Variants in ATAD2B observed in about 807,000 individuals in gnomAD.
ATAD2B encodes ATPase family AAA domain-containing protein 2B.
A neutral mutation model predicts 167.6 loss-of-function variants in ATAD2B; 40 were observed. The observed-to-expected ratio is 0.24, with a 90% CI of 0.19 to 0.31. ATAD2B has a LOEUF of 0.31. ATAD2B is among the 10% of genes least tolerant of loss of function. ATAD2B has a pLI of 1.00. For missense variants in ATAD2B, 1,242 were observed against 1,757.2 expected (o/e 0.71, Z 5.24); for synonymous variants, 579 against 596.5 (o/e 0.97, Z 0.43).
chr2:23,733,837 C>G, the ATAD2B span, among the ~76,000 whole-genome samples: 5 of 152,304 alleles, frequency 3.3e-5, no homozygotes, highest in South Asian at 4.1e-4. Context: ...GCATCTCTCA[C>G]CTGGAATATA....
chr2:23,887,698 C>G (rs1393058873), intron 4 of ATAD2B, 134 bp downstream of exon 4: 3 of 718,422 alleles, frequency 4.2e-6, no homozygotes, highest in Non-Finnish European at 6.5e-6. Context: ...ACTGACCCAC[C>G]ACACCCAGCT....
chr2:23,850,499 G>A (rs1692397470), intron 13 of ATAD2B, among the ~76,000 whole-genome samples: 1 of 152,120 alleles, frequency 6.6e-6, no homozygotes, highest in Non-Finnish European at 1.5e-5. Flanking sequence ...AAAACAAACA[G>A]AAAAGACTTG....
intron 8 of ATAD2B, among the ~76,000 whole-genome samples, chr2:23,873,534 A>C (rs1374061522): frequency 6.6e-6 from 1 of 152,210 alleles, no homozygotes; most frequent in African/African-American, 2.4e-5. Flanking sequence ...TTAACGTAAG[A>C]GTTACCTCCT....
At chr2:23,729,148 A>G in the ATAD2B span, among the ~76,000 whole-genome samples, 1 of 152,210 alleles carries the variant, frequency 6.6e-6, no homozygotes, top group Non-Finnish European at 1.5e-5. Flanking sequence ...CTCCTCCAAC[A>G]TTGGGGATTA....
intron 24 of ATAD2B, among the ~76,000 whole-genome samples, chr2:23,758,757 T>C (rs886967486): frequency 3.9e-5 from 6 of 152,198 alleles, no homozygotes; most frequent in Non-Finnish European, 8.8e-5. Flanking sequence ...CAAAGTTATT[T>C]GAGAATATGT....
intron 4 of ATAD2B, 58 bp downstream of exon 4, chr2:23,887,773 CG>C: frequency 7.1e-7 from 1 of 1,409,242 alleles, no homozygotes; most frequent in Non-Finnish European, 9.4e-7. Flanking sequence ...TTTTTTAAAA[CG>C]TAACTGTCTT....
chr2:23,885,611 G>A (rs1698551775), intron 5 of ATAD2B, 116 bp downstream of exon 5: 1 of 556,904 alleles, frequency 1.8e-6, no homozygotes. Context: ...AGTTGGAAAT[G>A]AAGACGAAGG....
intron 24 of ATAD2B, among the ~76,000 whole-genome samples, chr2:23,760,543 G>T (rs541641880): frequency 1.8e-4 from 28 of 151,810 alleles, no homozygotes; most frequent in Middle Eastern, 3.4e-3. Flanking sequence ...GGCGCCTGTC[G>T]TCCCAGTAGC....
chr2:23,703,273 GA>G, the ATAD2B span: 1 of 1,549,040 alleles, frequency 6.5e-7, no homozygotes, highest in African/African-American at 1.4e-5. Flanking sequence ...GTGGCGGCAA[GA>G]TCTACGTGTT....
At chr2:23,721,419 A>T in the ATAD2B span, among the ~76,000 whole-genome samples, 1 of 152,036 alleles carries the variant, frequency 6.6e-6, no homozygotes, top group Non-Finnish European at 1.5e-5. Flanking sequence ...GTTAAGCCCC[A>T]AGGCCAGCCA....
rs1375708519 is a variant in ATAD2B at position 23,758,092 on chromosome 2, C to T, written c.3404G>A (p.Arg1135Gln). 1 of 1,564,718 alleles carries T rather than the reference C, an allele frequency of 6.4e-7. No individual in the cohort carries two copies. Among genetic ancestry groups the T allele is most frequent in the Non-Finnish European group, 8.6e-7 (1 of 1,166,224 alleles). ...CTGTGATCTCCGCCTTGATTTTCTCCGAACCCGAACTGTTTTACAAGGAAG... is the reference window on the plus strand; with the variant it reads ...CTGTGATCTCCGCCTTGATTTTCTCTGAACCCGAACTGTTTTACAAGGAAG... ...NSANKCAFRV[R>Q]RKSRRRSQWG... is the part of the protein sequence containing the mutation. The change falls in exon 25 of 28, where the codon CGG becomes CAG. Residue 1135 changes from arginine (R) to glutamine (Q), a missense_variant. Arg to Gln is a conservative substitution (Grantham distance 43). Around this residue, in one of 9 missense-constraint regions of ATAD2B, gnomAD observed 204 missense variants for 324.0 expected, o/e 0.63. Coordinates refer to ENST00000238789, the MANE Select transcript of ATAD2B (RefSeq NM_017552.4).
the ATAD2B span, chr2:23,684,343 A>T: frequency 8.3e-7 from 1 of 1,204,320 alleles, no homozygotes; most frequent in Admixed American, 3.9e-5. The surrounding 1 kb of genome is among the most constrained non-coding windows in gnomAD (Gnocchi z 4.4). Context: ...TTTTTAATTA[A>T]AAAAAAAAAA....
intron 7 of ATAD2B, among the ~76,000 whole-genome samples, chr2:23,880,071 A>AG (rs1553441800): frequency 1.9e-4 from 29 of 151,682 alleles, no homozygotes; most frequent in Middle Eastern, 3.4e-3. Flanking sequence ...AAAAAAAAAA[A>AG]AGAGAGAGAG....
Position 23,760,695 on chromosome 2 carries a change from T to TACAC in ATAD2B, c.3394+1513_3394+1514insGTGT, listed in dbSNP as rs745974065. On this transcript the variant is annotated intron_variant, in intron 24 of 27. Coordinates refer to ENST00000238789, the MANE Select transcript of ATAD2B (RefSeq NM_017552.4). ...AAAAAAAAAAATAAATAAATTTATATATATACACACACACACACACACACA... is the reference window on the plus strand; with the variant it reads ...AAAAAAAAAAATAAATAAATTTATATACACATATACACACACACACACACACACA... Among the ~76,000 whole-genome samples, 650 of 76,528 alleles carry TACAC rather than the reference T, an allele frequency of 8.5e-3. 6 individuals are homozygous for TACAC. The highest frequency in any genetic ancestry group is 0.019 in the Middle Eastern group (3 of 154). The allele number at this position is 76,528 out of a possible 152,430, so 50.2% of individuals were successfully genotyped here. A position where few individuals can be genotyped will look rare whatever the true frequency, so the allele number is the denominator to read the frequency against.
the ATAD2B span, among the ~76,000 whole-genome samples, chr2:23,732,384 C>CA: frequency 6.6e-6 from 1 of 151,856 alleles, no homozygotes; most frequent in Non-Finnish European, 1.5e-5. Context: ...ATACGAAAAG[C>CA]AAAAAAGTCA....
intron 1 of ATAD2B, among the ~76,000 whole-genome samples, chr2:23,905,243 C>T (rs1279238719): frequency 2.0e-5 from 3 of 152,132 alleles, no homozygotes; most frequent in African/African-American, 7.2e-5. Flanking sequence ...CATGGTCAGG[C>T]ATGATAGCTC....
intron 1 of ATAD2B, among the ~76,000 whole-genome samples, chr2:23,900,510 T>C (rs968814347): frequency 8.5e-5 from 13 of 152,190 alleles, no homozygotes; most frequent in Non-Finnish European, 1.8e-4. Flanking sequence ...ACCAACAACA[T>C]GGGCATGATC....
intron 6 of ATAD2B, among the ~76,000 whole-genome samples, chr2:23,882,497 C>CT (rs1443407654): frequency 1.5e-4 from 16 of 107,596 alleles, no homozygotes; most frequent in South Asian, 6.5e-4. Flanking sequence ...CACCCAGCCT[C>CT]TATTTAAAAA....
At position 23,884,805 on chromosome 2, in the gene ATAD2B, T is replaced by C; in HGVS notation, c.744A>G (p.Ile248Met). The change falls in exon 6 of 28, where the codon ATA becomes ATG. Residue 248 changes from isoleucine to methionine, a missense_variant. Physicochemically the swap from Ile to Met is conservative, Grantham distance 10 (BLOSUM62 1). Around this residue, in one of 9 missense-constraint regions of ATAD2B, gnomAD observed 99 missense variants for 160.4 expected, o/e 0.62. Coordinates refer to ENST00000238789, the MANE Select transcript of ATAD2B (RefSeq NM_017552.4). ...RKSLRRNSYG[I>M]QNHHEVSTEG... ...CAGTAGAAACTTCATGATGATTTTG[T>C]ATCCCATAACTATTTCTTCTTAGTG... is the stretch of plus-strand genomic sequence containing the variant. 1 of 1,601,330 alleles carries C rather than the reference T, an allele frequency of 6.2e-7. No individual in the cohort carries two copies. The highest frequency in any genetic ancestry group is 1.7e-5 in the Admixed American group (1 of 57,858).
Sources: gnomAD v4.1 joint callset for allele counts (sites outside exome capture counted in the v4.1 genomes callset) on GRCh38, gnomAD v4.1.1 for gene constraint, gnomAD v4.1.1 regional missense constraint, Gnocchi (gnomAD v3.1) non-coding constraint, MANE v1.5 for transcripts, NCBI Gene and HGNC (gene_info 2026-07-23, HGNC 2026-07-21) for gene names.